The following TRPC5 variants were observed in gnomAD, a reference collection of about 807,000 sequenced individuals.
The protein encoded by TRPC5 is short transient receptor potential channel 5.
A neutral mutation model predicts 56.5 loss-of-function variants in TRPC5; 9 were observed. The ratio of observed to expected loss-of-function variants is 0.16; its 90% CI spans 0.10 to 0.28. TRPC5 has a LOEUF of 0.28. TRPC5 is among the 10% of genes least tolerant of loss of function. The probability of loss-of-function intolerance (pLI) is 1.00; values close to 1 mark genes in which losing one functional copy is unlikely to be tolerated. For missense variants in TRPC5, 469 were observed against 748.9 expected, an observed-to-expected ratio of 0.63 and a Z score of 4.36; for synonymous variants, 282 against 278.5, an observed-to-expected ratio of 1.01 and a Z score of -0.13.
At chrX:112,051,501 C>T (rs1288147024) in intron 1 of TRPC5, among the ~76,000 whole-genome samples, 1 of 111,441 alleles carries the variant, frequency 9.0e-6, no homozygotes, top group Non-Finnish European at 1.9e-5. Context: ...GGGCAATGTT[C>T]ATCTGTTCAA....
intron 1 of TRPC5, among the ~76,000 whole-genome samples, chrX:112,059,175 A>G (rs1871724822): frequency 9.0e-6 from 1 of 111,727 alleles, no homozygotes; most frequent in Non-Finnish European, 1.9e-5. Context: ...AGCCCCAAAT[A>G]TGGTGAAATG....
At chrX:111,807,796 A>G (rs887830672) in intron 7 of TRPC5, among the ~76,000 whole-genome samples, 2 of 112,199 alleles carry the variant, frequency 1.8e-5, no homozygotes, top group South Asian at 3.7e-4. Context: ...ATTAGGGGAC[A>G]CCCCAAGCCC....
intron 1 of TRPC5, among the ~76,000 whole-genome samples, chrX:112,061,328 C>A (rs1364012629): frequency 9.0e-6 from 1 of 111,731 alleles, no homozygotes; most frequent in East Asian, 2.8e-4. Context: ...GTGTACAAGT[C>A]CTGGGGGTAT....
chrX:111,981,813 A>G (rs1460020284), intron 1 of TRPC5, among the ~76,000 whole-genome samples: 2 of 112,182 alleles, frequency 1.8e-5, no homozygotes, highest in Admixed American at 1.9e-4. Flanking sequence ...GAAATAATAC[A>G]AAGATGGTTG....
chrX:111,929,058 A>G (rs1926334564), intron 2 of TRPC5, among the ~76,000 whole-genome samples: 1 of 112,045 alleles, frequency 8.9e-6, no homozygotes, highest in Non-Finnish European at 1.9e-5. Context: ...TTTCTCCTCC[A>G]TATTTAGTTA....
chrX:111,803,993 T>C lies in TRPC5; in HGVS notation c.1897-21855A>G, dbSNP rs773557587. ...GTTTTTATGGTTTTAGGTATAACAT[T>C]TAAGTCTTTAATCCATCTTGAATTA... On this transcript the variant is annotated intron_variant, in intron 7 of 10. Coordinates refer to ENST00000262839, the MANE Select transcript of TRPC5 (RefSeq NM_012471.3). 1.3e-3 allele frequency among the ~76,000 whole-genome samples: 148 copies of C among 112,396 alleles called. 1 individual carries two copies. Among genetic ancestry groups the C allele is most frequent in the Non-Finnish European group, 2.1e-3 (113 of 53,315 alleles).
chrX:112,002,607 T>C (rs1454316926), intron 1 of TRPC5, among the ~76,000 whole-genome samples: 2 of 112,252 alleles, frequency 1.8e-5, no homozygotes, highest in African/African-American at 6.5e-5. Context: ...TGATTTTTAA[T>C]GCAGAATTCA....
At chrX:112,052,562 T>C (rs1930241084) in intron 1 of TRPC5, among the ~76,000 whole-genome samples, 1 of 111,951 alleles carries the variant, frequency 8.9e-6, no homozygotes. Context: ...CAAATATTTT[T>C]CACTCATTCT....
intron 1 of TRPC5, among the ~76,000 whole-genome samples, chrX:111,992,558 C>T (rs1928383821): frequency 9.2e-6 from 1 of 109,047 alleles, no homozygotes; most frequent in South Asian, 4.0e-4. Flanking sequence ...CTTATTCTCC[C>T]ATCTGAAATA....
At chrX:111,910,483 A>T (rs754899786) in intron 3 of TRPC5, among the ~76,000 whole-genome samples, 2 of 112,033 alleles carry the variant, frequency 1.8e-5, no homozygotes, top group Non-Finnish European at 3.8e-5. Flanking sequence ...TAGACCATAT[A>T]CCACGAGTCC....
intron 7 of TRPC5, among the ~76,000 whole-genome samples, chrX:111,818,604 C>G (rs895169885): frequency 6.4e-5 from 6 of 93,597 alleles, no homozygotes; most frequent in African/African-American, 2.3e-4. Flanking sequence ...TTCTTTTTCT[C>G]TTTTTTTTTT....
At chrX:111,863,335 A>G (rs1603062406) in intron 3 of TRPC5, among the ~76,000 whole-genome samples, 1 of 112,033 alleles carries the variant, frequency 8.9e-6, no homozygotes, top group East Asian at 2.8e-4. Flanking sequence ...TAGTTTGATT[A>G]TATGGCATTT....
rs905722957 is a variant in TRPC5 at position 112,024,662 on chromosome X, C to T, written c.-22+57217G>A. Among the ~76,000 whole-genome samples, 4 of 111,657 alleles carry T rather than the reference C, an allele frequency of 3.6e-5. No individual in the cohort carries two copies. The Admixed American group carries it at 3.8e-4, about 11-fold the overall frequency. ...TGCCTGCAGAGGCCCCTGACTAATA[C>T]ACCTACCCTTCCACAGTCAAGTTGT... On this transcript the variant is annotated intron_variant, in intron 1 of 10. Transcript: ENST00000262839.
intron 6 of TRPC5, among the ~76,000 whole-genome samples, chrX:111,842,553 A>G (rs1246573639): frequency 8.9e-6 from 1 of 112,334 alleles, no homozygotes; most frequent in African/African-American, 3.2e-5. Context: ...CCCAGCAAAT[A>G]CCAAGCCTGC....
chrX:111,827,153 T>C (rs966577543), intron 7 of TRPC5, among the ~76,000 whole-genome samples: 1 of 111,576 alleles, frequency 9.0e-6, no homozygotes, highest in Non-Finnish European at 1.9e-5. Flanking sequence ...TTGTCTTGAT[T>C]TTTCTCCCAT....
chrX:112,002,788 T>G (rs1928731010), intron 1 of TRPC5, among the ~76,000 whole-genome samples: 1 of 112,210 alleles, frequency 8.9e-6, no homozygotes, highest in African/African-American at 3.2e-5. Context: ...CTTTCATTTG[T>G]TTTAATATAT....
rs774864115 is a variant in TRPC5, at chrX:111,964,507, C to G, written c.-21-12066G>C. ...AGATACTCCTCGAGAAGAGCAACTC[C>G]AAGGCACATAATTGTCAGATTCACC... is the stretch of plus-strand genomic sequence containing the variant. On this transcript the variant is annotated intron_variant, in intron 1 of 10. Coordinates refer to ENST00000262839, the MANE Select transcript of TRPC5 (RefSeq NM_012471.3). 4.5e-5 allele frequency among the ~76,000 whole-genome samples: 5 copies of G among 111,527 alleles called. No individual in the cohort carries two copies. The South Asian group carries it at 1.9e-3, about 42-fold the overall frequency.
intron 1 of TRPC5, among the ~76,000 whole-genome samples, chrX:112,020,337 T>C (rs977148656): frequency 8.9e-6 from 1 of 112,449 alleles, no homozygotes; most frequent in Non-Finnish European, 1.9e-5. Context: ...GATGGAATTA[T>C]TTGAGAACAG....
chrX:111,898,999 G>A (rs1925208982), intron 3 of TRPC5, among the ~76,000 whole-genome samples: 1 of 110,370 alleles, frequency 9.1e-6, no homozygotes, highest in Admixed American at 9.7e-5. Flanking sequence ...TCCAGAGTTG[G>A]TTGCTTTGGA....
Sources: allele counts gnomAD v4.1 joint callset (sites outside exome capture counted in the v4.1 genomes callset), GRCh38; gene constraint gnomAD v4.1.1; transcripts MANE v1.5; gene names NCBI Gene and HGNC (gene_info 2026-07-23, HGNC 2026-07-21).